Variants in RALGPS1 observed in about 807,000 individuals in gnomAD.
The protein encoded by RALGPS1 is Ral GEF with PH domain and SH3 binding motif 1.
In RALGPS1, 19 loss-of-function variants were observed where a neutral mutation model predicts 78.8. That is an observed-to-expected ratio of 0.24 (90% CI 0.17 to 0.35). RALGPS1 has a LOEUF of 0.35. Ranked by LOEUF, RALGPS1 falls within the 10% of genes least tolerant of loss-of-function variation. The pLI, the probability that RALGPS1 is intolerant of heterozygous loss-of-function variation, is 1.00. For synonymous variants in RALGPS1, 228 were observed against 256.3 expected (o/e 0.89, Z 1.06); for missense variants, 454 against 688.3 (o/e 0.66, Z 3.81).
chr9:126,964,430 T>C (rs1337293005), intron 2 of RALGPS1, among the ~76,000 whole-genome samples: 1 of 150,598 alleles, frequency 6.6e-6, no homozygotes, highest in Non-Finnish European at 1.5e-5. Context: ...TCAGCCCTCC[T>C]GGGGATGGAG....
At chr9:127,149,961 G>A (rs935160143) in intron 8 of RALGPS1, among the ~76,000 whole-genome samples, 34 of 152,290 alleles carry the variant, frequency 2.2e-4, no homozygotes, top group African/African-American at 6.7e-4. Context: ...GATCACATGC[G>A]GTCAAATAAG....
At chr9:127,040,016 G>A (rs1181391369) in intron 5 of RALGPS1, among the ~76,000 whole-genome samples, 2 of 152,216 alleles carry the variant, frequency 1.3e-5, no homozygotes, top group African/African-American at 4.8e-5. Context: ...GCATGGAAGA[G>A]CAAATGGTTA....
At chr9:127,141,633 A>G (rs1658972198) in intron 8 of RALGPS1, among the ~76,000 whole-genome samples, 1 of 151,328 alleles carries the variant, frequency 6.6e-6, no homozygotes, top group South Asian at 2.1e-4. Flanking sequence ...AAAAAAAAAA[A>G]AAAAAAAGAA....
intron 1 of RALGPS1, among the ~76,000 whole-genome samples, chr9:126,956,252 G>T (rs1350889640): frequency 6.6e-6 from 1 of 152,180 alleles, no homozygotes; most frequent in East Asian, 1.9e-4. Flanking sequence ...CTCAGGGCGG[G>T]GCTAGGCCAG....
intron 3 of RALGPS1, among the ~76,000 whole-genome samples, chr9:126,968,757 T>C (rs577786442): frequency 4.0e-4 from 61 of 152,342 alleles, no homozygotes; most frequent in Non-Finnish European, 7.6e-4. Flanking sequence ...TTTAAAATTT[T>C]CTAGTAATCG....
At chr9:127,184,049 G>A (rs1274985562) in intron 11 of RALGPS1, 3 of 1,546,962 alleles carry the variant, frequency 1.9e-6, no homozygotes, top group Non-Finnish European at 1.7e-6. Context: ...AGGTCAACCA[G>A]GTGCAGTGGC....
intron 8 of RALGPS1, among the ~76,000 whole-genome samples, chr9:127,145,641 C>T (rs755034173): frequency 1.1e-4 from 17 of 152,160 alleles, no homozygotes; most frequent in Non-Finnish European, 1.8e-4. Flanking sequence ...CCTTTTGCTC[C>T]GACTCTGCCT....
intron 8 of RALGPS1, among the ~76,000 whole-genome samples, chr9:127,086,091 TGAA>T (rs1389364377): frequency 6.6e-6 from 1 of 152,118 alleles, no homozygotes; most frequent in African/African-American, 2.4e-5. Context: ...AGAGCTTCTG[TGAA>T]GGTGACGTAA....
chr9:126,939,975 T>C (rs1296563221), intron 1 of RALGPS1, among the ~76,000 whole-genome samples: 1 of 152,242 alleles, frequency 6.6e-6, no homozygotes, highest in East Asian at 1.9e-4. Flanking sequence ...GCCTCTGGGC[T>C]TCAGCGAGGA....
chr9:127,068,480 C>A (rs1335658281), intron 7 of RALGPS1, among the ~76,000 whole-genome samples: 1 of 152,208 alleles, frequency 6.6e-6, no homozygotes, highest in Non-Finnish European at 1.5e-5. Context: ...CCACAAATTG[C>A]TGTTATGTGG....
intron 11 of RALGPS1, chr9:127,178,224 C>T (rs1477278518): frequency 2.5e-6 from 1 of 396,762 alleles, no homozygotes; most frequent in Non-Finnish European, 4.5e-6. Flanking sequence ...AGTCTGCCAC[C>T]AGAGCCTTTC....
At chr9:126,998,295 A>T (rs539711481) in intron 4 of RALGPS1, among the ~76,000 whole-genome samples, 20 of 152,354 alleles carry the variant, frequency 1.3e-4, no homozygotes, top group African/African-American at 4.8e-4. Flanking sequence ...AATACCTAGA[A>T]TCTACAATGG....
At chr9:127,018,139 C>T (rs1051842960) in intron 4 of RALGPS1, among the ~76,000 whole-genome samples, 1 of 152,068 alleles carries the variant, frequency 6.6e-6, no homozygotes, top group Non-Finnish European at 1.5e-5. Flanking sequence ...TTGCTTGAAC[C>T]TGGGAGGCGG....
chr9:126,961,861 C>A (rs756262072), intron 1 of RALGPS1, among the ~76,000 whole-genome samples: 3 of 152,148 alleles, frequency 2.0e-5, no homozygotes, highest in East Asian at 1.9e-4. Context: ...CTGAAATGGT[C>A]GCACAAGCTA....
intron 8 of RALGPS1, among the ~76,000 whole-genome samples, chr9:127,120,092 C>T (rs1269307824): frequency 6.6e-6 from 1 of 152,206 alleles, no homozygotes; most frequent in Non-Finnish European, 1.5e-5. Context: ...CAGACATGGC[C>T]ACCATAGTGC....
At chr9:127,202,719 G>A (rs924693639) in intron 14 of RALGPS1, among the ~76,000 whole-genome samples, 3 of 152,164 alleles carry the variant, frequency 2.0e-5, no homozygotes, top group African/African-American at 4.8e-5. Context: ...ACAGGGTGGT[G>A]ATCCTGGGCC....
chr9:127,074,523 G>A (rs547696032), intron 8 of RALGPS1, among the ~76,000 whole-genome samples: 1 of 152,252 alleles, frequency 6.6e-6, no homozygotes, highest in South Asian at 2.1e-4. Flanking sequence ...CAACGTTGAT[G>A]GTACTACCGT....
In RALGPS1 at chr9:126,962,789, C is replaced by T. The variant is rs189604997; in HGVS notation, c.57+443C>T. Among the ~76,000 whole-genome samples the T allele has an allele frequency of 1.7e-4, 26 of 152,318 alleles. No individual in the cohort carries two copies. In the East Asian group the frequency reaches 4.8e-3, roughly 28 times the overall value. On this transcript the variant is annotated intron_variant, in intron 2 of 18. Transcript: ENST00000259351. ...GTCTGCAGTGGCCTGGGCTAGGGCC[C>T]CTGCTGTGGGGTTTGAGAGTTTGAT...
intron 8 of RALGPS1, among the ~76,000 whole-genome samples, chr9:127,139,638 C>T (rs1018848512): frequency 1.3e-5 from 2 of 152,232 alleles, no homozygotes; most frequent in Non-Finnish European, 2.9e-5. Flanking sequence ...TGGAGGTCCA[C>T]CTCTGACAAG....
Sources: allele counts gnomAD v4.1 joint callset (sites outside exome capture counted in the v4.1 genomes callset), GRCh38; gene constraint gnomAD v4.1.1; transcripts MANE v1.5; gene names NCBI Gene and HGNC (gene_info 2026-07-23, HGNC 2026-07-21).